Variants in GTPBP6 observed in about 807,000 individuals in gnomAD.
GTPBP6 encodes the protein putative GTP-binding protein 6.
A neutral mutation model predicts 28.9 loss-of-function variants in GTPBP6; 33 were observed. The observed-to-expected ratio is 1.14, with a 90% CI of 0.87 to 1.53. GTPBP6 has a LOEUF of 1.53. Ranked by LOEUF, GTPBP6 falls within the 40% of genes most tolerant of loss-of-function variation. The pLI, the probability that GTPBP6 is intolerant of heterozygous loss-of-function variation, is 0.00. For synonymous variants in GTPBP6, 231 were observed against 192.7 expected, an observed-to-expected ratio of 1.20 and a Z score of -1.65; for missense variants, 507 against 408.3, an observed-to-expected ratio of 1.24 and a Z score of -2.08.
At chrX:311,148 C>G (rs1288027662) in intron 7 of GTPBP6, among the ~76,000 whole-genome samples, 1 of 152,148 alleles carries the variant, frequency 6.6e-6, no homozygotes, top group Non-Finnish European at 1.5e-5. Flanking sequence ...GACACTAAGT[C>G]TGAGCCCCAG....
At chrX:310,717 G>A (rs1420053176) in intron 7 of GTPBP6, among the ~76,000 whole-genome samples, 6 of 152,142 alleles carry the variant, frequency 3.9e-5, no homozygotes, top group African/African-American at 1.4e-4. Context: ...CAGGAGCTGG[G>A]AGAGGCAGGA....
chrX:309,753 A>G (rs1170009723), intron 7 of GTPBP6, among the ~76,000 whole-genome samples: 1 of 138,190 alleles, frequency 7.2e-6, no homozygotes, highest in East Asian at 2.2e-4. Context: ...GATCCAACTG[A>G]AGTGAACTGA....
chrX:305,289 C>T, intron 9 of GTPBP6, 92 bp from the exon 10 acceptor site: 2 of 1,012,912 alleles, frequency 2.0e-6, no homozygotes, highest in Non-Finnish European at 3.1e-6. Flanking sequence ...AAGAGCTTAG[C>T]TCAAACCATT....
At chrX:307,376 C>A (rs200298702) in exon 9 of GTPBP6, 1 of 1,612,352 alleles carries the variant, frequency 6.2e-7, no homozygotes, top group Non-Finnish European at 8.5e-7. Context: ...TGCGCCCCTG[C>A]GAGCCTCACA....
chrX:305,546 C>T (rs1307045451), intron 9 of GTPBP6, among the ~76,000 whole-genome samples: 2 of 150,786 alleles, frequency 1.3e-5, no homozygotes, highest in African/African-American at 4.9e-5. Context: ...TGGTCTCGAT[C>T]TCCTGACTTC....
At chrX:305,309 G>A (rs1239682464) in intron 9 of GTPBP6, 112 bp from the exon 10 acceptor site, 5 of 817,598 alleles carry the variant, frequency 6.1e-6, no homozygotes, top group African/African-American at 3.6e-5. Context: ...TCATCAGACC[G>A]TCCTGTTTCC....
rs2070143406 is a variant in GTPBP6 at position 305,582 on chromosome X, AAGTGCTGGGATGACAGGCATG to A, written c.1428-406_1428-386del. On this transcript the variant is annotated intron_variant, in intron 9 of 9. Coordinates refer to ENST00000326153, the Ensembl canonical transcript of GTPBP6. ...GTGATCCACCCGCCTCGGCCTCCCA[AAGTGCTGGGATGACAGGCATG>A]AGCCACTGCGCCCGGCTTTTTATTT... Among the ~76,000 whole-genome samples, 2 of 148,982 alleles carry A rather than the reference AAGTGCTGGGATGACAGGCATG, an allele frequency of 1.3e-5. 1 individual carries two copies. Among genetic ancestry groups the A allele is most frequent in the African/African-American group, 5.1e-5 (2 of 39,526 alleles).
exon 10 of GTPBP6, chrX:305,166 C>T (rs750374472): frequency 6.2e-7 from 1 of 1,613,740 alleles, no homozygotes; most frequent in East Asian, 2.2e-5. Flanking sequence ...ATCACGTCCA[C>T]CTCCTGAACT....
chrX:316,572 G>C (rs1396680961), intron 2 of GTPBP6, among the ~76,000 whole-genome samples: 6 of 152,186 alleles, frequency 3.9e-5, no homozygotes, highest in Admixed American at 2.0e-4. Flanking sequence ...CTGGTGGGGT[G>C]GGGGTCACCC....
chrX:315,529 G>A (rs1193672483), intron 2 of GTPBP6, among the ~76,000 whole-genome samples: 1 of 150,212 alleles, frequency 6.7e-6, no homozygotes, highest in Non-Finnish European at 1.5e-5. Context: ...CATCCCGGCA[G>A]GGACACAAAC....
intron 7 of GTPBP6, among the ~76,000 whole-genome samples, chrX:310,066 C>T (rs1264923456): frequency 8.5e-5 from 11 of 129,098 alleles, no homozygotes; most frequent in African/African-American, 2.6e-4. Flanking sequence ...TCCCCTAGAG[C>T]CTCCAGAAGG....
exon 1 of GTPBP6, chrX:318,470 C>T (rs1243275111): frequency 7.5e-6 from 3 of 398,480 alleles, no homozygotes; most frequent in Non-Finnish European, 1.3e-5. Flanking sequence ...CCGGGCCCCA[C>T]TTGACGTCAG....
At chrX:308,655 G>A (rs2070222381) in intron 7 of GTPBP6, among the ~76,000 whole-genome samples, 3 of 151,966 alleles carry the variant, frequency 2.0e-5, no homozygotes, top group African/African-American at 7.2e-5. Context: ...GGTTCAGTCT[G>A]GGTGACAGAG....
At chrX:314,434 G>A (rs767884673) in intron 4 of GTPBP6, among the ~76,000 whole-genome samples, 36 of 152,276 alleles carry the variant, frequency 2.4e-4, no homozygotes, top group African/African-American at 7.9e-4. Flanking sequence ...AGGCAGTGGG[G>A]GCAACGGGCC....
intron 2 of GTPBP6, among the ~76,000 whole-genome samples, chrX:316,673 C>T (rs1352082170): frequency 6.6e-6 from 1 of 152,128 alleles, no homozygotes; most frequent in Non-Finnish European, 1.5e-5. Flanking sequence ...TAAACTGCCC[C>T]GACCTAATCT....
At chrX:313,149 C>T (rs7499265) in intron 5 of GTPBP6, among the ~76,000 whole-genome samples, 14,842 of 152,238 alleles carry the variant, frequency 0.097, 1,077 homozygotes, top group African/African-American at 0.21. Flanking sequence ...GTGAGGTCAA[C>T]GAGGGCTTCC....
In GTPBP6 at chrX:308,015, C is replaced by G. The variant is rs1022302317; in HGVS notation, c.1126-135G>C. On this transcript the variant is annotated intron_variant, in intron 7 of 9. Coordinates refer to ENST00000326153, the Ensembl canonical transcript of GTPBP6. ...CATGGGAGGTACGCCTGTGTGCAGG[C>G]CCCTCGGACACCCCAGGACGGGGGC... The G allele has an allele frequency of 1.1e-5, 8 of 731,240 alleles. No individual in the cohort carries two copies. The African/African-American group carries it at 1.5e-4, about 13-fold the overall frequency. 45.3% of individuals were successfully genotyped at this position (731,240 alleles called of 1,614,324 possible).
In GTPBP6 at chrX:307,342, C is replaced by T. The variant is rs759448541; in HGVS notation, c.1427+18G>A. 1.8e-4 allele frequency: 286 copies of T among 1,609,858 alleles called. No homozygotes were observed. The highest frequency in any genetic ancestry group is 2.4e-4 in the Non-Finnish European group (282 of 1,178,560). On this transcript the variant is annotated intron_variant, in intron 9 of 9. Transcript: ENST00000326153. ...ATCCAAAGCACCATCCCGTCTCCTG[C>T]CCCTGCAGGCCGCTCACCTGAGCTG...
chrX:314,381 G>A lies in GTPBP6; in HGVS notation c.690-164C>T, dbSNP rs746478545. Among the ~76,000 whole-genome samples, 14 of 152,264 alleles carry A rather than the reference G, an allele frequency of 9.2e-5. No individual in the cohort carries two copies. The East Asian group carries it at 9.7e-4, about 11-fold the overall frequency. On this transcript the variant is annotated intron_variant, in intron 4 of 9. Transcript: ENST00000326153. ...GTAGCTCACACACTGTGAGTGACGC[G>A]TGTCCCGGGCCGAGGGGACCTGCCT...
Sources: gnomAD v4.1 joint callset for allele counts (sites outside exome capture counted in the v4.1 genomes callset) on GRCh38, gnomAD v4.1.1 for gene constraint, MANE v1.5 for transcripts, NCBI Gene and HGNC (gene_info 2026-07-23, HGNC 2026-07-21) for gene names.